Variants in CMPK2 observed in about 807,000 individuals in gnomAD.
CMPK2 encodes the protein cytidine/uridine monophosphate kinase 2.
In CMPK2, 32 loss-of-function variants were observed where a neutral mutation model predicts 33.4. The observed-to-expected ratio is 0.96, with a 90% CI of 0.72 to 1.29. The LOEUF (loss-of-function observed/expected upper bound fraction) is 1.29, where lower values mean the gene tolerates loss of function less well. Ranked by LOEUF, CMPK2 falls within the 50% of genes most tolerant of loss-of-function variation. The pLI is 0.00. For synonymous variants in CMPK2, 299 were observed against 275.3 expected (o/e 1.09, Z -0.85); for missense variants, 672 against 616.0 (o/e 1.09, Z -0.96).
At chr2:6,845,781 G>A (rs940830725), downstream of CMPK2, among the ~76,000 whole-genome samples, 4 of 152,222 alleles carry the variant, frequency 2.6e-5, no homozygotes, top group African/African-American at 9.6e-5. Flanking sequence ...TCCACAGAAT[G>A]GGACTGATTA....
rs1319663577 is a variant in CMPK2 at position 6,849,133 on chromosome 2, T to TA, written c.*716dup. The TA allele has an allele frequency of 1.0e-6, 1 of 983,742 alleles. No individual in the cohort carries two copies. The highest frequency in any genetic ancestry group is 1.2e-6 in the Non-Finnish European group (1 of 828,500). The allele number at this position is 983,742 out of a possible 1,614,324, so 60.9% of individuals were successfully genotyped here. On this transcript the variant is annotated 3_prime_UTR_variant, in exon 5 of 5. Coordinates refer to ENST00000256722, the MANE Select transcript of CMPK2 (RefSeq NM_207315.4). ...TAGAAAAAAAGAAAAGAAATATAAA[T>TA]AAGCAAAATATAATTCAGAGAAGGT...
chr2:6,847,752 C>G (rs1191874779), downstream of CMPK2, among the ~76,000 whole-genome samples: 1 of 152,128 alleles, frequency 6.6e-6, no homozygotes, highest in Non-Finnish European at 1.5e-5. Context: ...GATAATATCC[C>G]CTTGACATTT....
intron 3 of CMPK2, among the ~76,000 whole-genome samples, 163 bp from the exon 4 acceptor site, chr2:6,851,846 T>C (rs984953032): frequency 2.0e-5 from 3 of 152,258 alleles, no homozygotes; most frequent in Non-Finnish European, 2.9e-5. Context: ...AAAAAAGTTA[T>C]ACAATATTGT....
At chr2:6,853,013 G>A (rs1662570811) in intron 3 of CMPK2, among the ~76,000 whole-genome samples, 2 of 152,236 alleles carry the variant, frequency 1.3e-5, no homozygotes, top group South Asian at 2.1e-4. Context: ...GCAGTGGCAC[G>A]ATCTCAGCTC....
intron 3 of CMPK2, among the ~76,000 whole-genome samples, chr2:6,853,717 A>T (rs1193164756): frequency 6.6e-6 from 1 of 152,078 alleles, no homozygotes; most frequent in African/African-American, 2.4e-5. Context: ...CCTGGCTAAC[A>T]TGGTGAAACC....
chr2:6,851,844 T>C (rs1432994872), intron 3 of CMPK2, among the ~76,000 whole-genome samples, 161 bp from the exon 4 acceptor site: 2 of 152,230 alleles, frequency 1.3e-5, no homozygotes, highest in Non-Finnish European at 2.9e-5. Flanking sequence ...TAAAAAAAGT[T>C]ATACAATATT....
In CMPK2 at chr2:6,865,874, G is replaced by GCC; in HGVS notation, c.-180_-179dup. Reference sequence around the variant, plus strand: ...GGGGCAGGAGCCCTGGGGCTGGGGCGCCCTTCCGGCCTCTCCTCCTCGCCG... The same window carrying GCC: ...GGGGCAGGAGCCCTGGGGCTGGGGCGCCCCCTTCCGGCCTCTCCTCCTCGCCG... On this transcript the variant is annotated 5_prime_UTR_variant, in exon 1 of 5. Coordinates refer to ENST00000256722, the MANE Select transcript of CMPK2 (RefSeq NM_207315.4). 1 of 1,369,274 alleles carries GCC rather than the reference G, an allele frequency of 7.3e-7. No individual in the cohort carries two copies. The highest frequency in any genetic ancestry group is 9.4e-7 in the Non-Finnish European group (1 of 1,062,944). 84.8% of individuals were successfully genotyped at this position (1,369,274 alleles called of 1,614,324 possible).
chr2:6,865,598 G>A lies in CMPK2; in HGVS notation c.99C>T (p.Phe33=). 2 of 1,394,212 alleles carry A rather than the reference G, an allele frequency of 1.4e-6. No individual in the cohort carries two copies. Among genetic ancestry groups the A allele is most frequent in the South Asian group, 1.5e-5 (1 of 66,066 alleles). The allele number at this position is 1,394,212 out of a possible 1,614,324, so 86.4% of individuals were successfully genotyped here. The change falls in exon 1 of 5, where the codon TTC becomes TTT. Residue 33 remains phenylalanine (F), a synonymous_variant. Coordinates refer to ENST00000256722, the MANE Select transcript of CMPK2 (RefSeq NM_207315.4). ...GGGTGCAGTCGGGAAGCTCCAGGACGAAGCGGCGCGGCGGAGCCATGGCCC... is the reference window on the plus strand; with the variant it reads ...GGGTGCAGTCGGGAAGCTCCAGGACAAAGCGGCGCGGCGGAGCCATGGCCC... The part of the protein sequence containing the change: ...CAGAMAPPRR[F]VLELPDCTLA...
At chr2:6,842,162 G>A (rs945140168) in intron 3 of CMPK2, among the ~76,000 whole-genome samples, 1 of 152,120 alleles carries the variant, frequency 6.6e-6, no homozygotes, top group African/African-American at 2.4e-5. Flanking sequence ...GTTTTCTAGA[G>A]GAGTTTCCTG....
intron 2 of CMPK2, among the ~76,000 whole-genome samples, chr2:6,862,454 C>A (rs1479739460): frequency 6.6e-6 from 1 of 152,224 alleles, no homozygotes; most frequent in Non-Finnish European, 1.5e-5. Flanking sequence ...CTCCTTGTAA[C>A]ATTTGTATGT....
At chr2:6,862,562 C>T (rs1212095664) in intron 2 of CMPK2, among the ~76,000 whole-genome samples, 1 of 152,196 alleles carries the variant, frequency 6.6e-6, no homozygotes, top group African/African-American at 2.4e-5. Flanking sequence ...CAAAACACAT[C>T]AGCTGAAGGA....
chr2:6,849,477 G>A lies in CMPK2; in HGVS notation c.*373C>T, dbSNP rs56810353. On this transcript the variant is annotated 3_prime_UTR_variant, in exon 5 of 5. Coordinates refer to ENST00000256722, the MANE Select transcript of CMPK2 (RefSeq NM_207315.4). ...CAGTGTAGGAGAAGCAGAGGCTCCG[G>A]GGTCTCCCTGCTGATCTGGAAGATC... The A allele has an allele frequency of 4.0e-3, 4,047 of 1,023,166 alleles. 141 individuals carry two copies. The African/African-American group carries it at 0.064, about 16-fold the overall frequency. 63.4% of individuals were successfully genotyped at this position (1,023,166 alleles called of 1,614,324 possible). A position where few individuals can be genotyped will look rare whatever the true frequency, so the allele number is the denominator to read the frequency against.
chr2:6,848,232 T>G (rs1662412631), downstream of CMPK2: 1 of 543,214 alleles, frequency 1.8e-6, no homozygotes, highest in African/African-American at 2.1e-5. Flanking sequence ...TTACCAAAAT[T>G]TCCCTCCTTT....
intron 4 of CMPK2, chr2:6,850,778 T>C (rs1662494695): frequency 1.0e-6 from 1 of 985,676 alleles, no homozygotes; most frequent in Non-Finnish European, 1.2e-6. Context: ...CTATCATTGT[T>C]CAGTTAGAGA....
intron 3 of CMPK2, among the ~76,000 whole-genome samples, chr2:6,853,100 C>T (rs1228145382): frequency 2.0e-5 from 3 of 152,154 alleles, no homozygotes; most frequent in African/African-American, 7.2e-5. Context: ...CAGGCATGCA[C>T]CACCACGCCC....
intron 3 of CMPK2, among the ~76,000 whole-genome samples, chr2:6,856,835 C>A (rs1662716983): frequency 6.6e-6 from 1 of 152,218 alleles, no homozygotes. Flanking sequence ...TCATGCATTG[C>A]ACAACATATT....
intron 3 of CMPK2, among the ~76,000 whole-genome samples, chr2:6,857,562 C>T (rs1193395364): frequency 6.6e-6 from 1 of 151,956 alleles, no homozygotes; most frequent in Non-Finnish European, 1.5e-5. Context: ...AAGCACTCTT[C>T]CCACCTCAGC....
rs1662530051 is a variant in CMPK2, at chr2:6,851,656, G to A, written c.1020C>T (p.Ala340=). The A allele has an allele frequency of 6.2e-7, 1 of 1,614,056 alleles. No homozygotes were observed. Among genetic ancestry groups the A allele is most frequent in the Non-Finnish European group, 8.5e-7 (1 of 1,180,032 alleles). The part of the protein sequence containing the change: ...DRYWHSTATY[A]IATEVSGGLQ... ...GACCCCCACTCACCTCAGTGGCTAT[G>A]GCATAGGTGGCCGTGCTGTGCCAGT... Residue 340 remains alanine (A), a synonymous_variant, in exon 4 of 5, where the codon GCC becomes GCT. Transcript: ENST00000256722.
intron 3 of CMPK2, among the ~76,000 whole-genome samples, chr2:6,856,804 G>A (rs565521488): frequency 9.9e-5 from 15 of 152,112 alleles, no homozygotes; most frequent in Non-Finnish European, 1.5e-4. Flanking sequence ...TCAACATTAC[G>A]GTTTTGTAAT....
Sources: gnomAD v4.1 joint callset for allele counts (sites outside exome capture counted in the v4.1 genomes callset) on GRCh38, gnomAD v4.1.1 for gene constraint, MANE v1.5 for transcripts, NCBI Gene and HGNC (gene_info 2026-07-23, HGNC 2026-07-21) for gene names.